Variants in OR10J1 observed in about 807,000 individuals in gnomAD.
The protein encoded by OR10J1 is olfactory receptor 10J1.
For synonymous variants in OR10J1, 202 were observed against 143.8 expected, an observed-to-expected ratio of 1.40 and a Z score of -2.89; for missense variants, 474 against 376.6, an observed-to-expected ratio of 1.26 and a Z score of -2.14.
chr1:159,410,531 G>T, the OR10J1 span, among the ~76,000 whole-genome samples: 1 of 152,042 alleles, frequency 6.6e-6, no homozygotes, highest in Admixed American at 6.6e-5. Context: ...ATTTCTGTGG[G>T]ATTGGTGGTG....
upstream of OR10J1, among the ~76,000 whole-genome samples, chr1:159,435,844 G>A (rs1655722120): frequency 6.6e-6 from 1 of 152,144 alleles, no homozygotes; most frequent in Admixed American, 6.5e-5. Context: ...GGTTCTTTTG[G>A]CTGTTTTGCC....
chr1:159,412,457 C>T, the OR10J1 span, among the ~76,000 whole-genome samples: 178 of 149,464 alleles, frequency 1.2e-3, 4 homozygotes, highest in East Asian at 0.035. Context: ...CTACAGTAAC[C>T]AAAACAGCAT....
chr1:159,429,798 G>T, the OR10J1 span, among the ~76,000 whole-genome samples: 1 of 152,074 alleles, frequency 6.6e-6, no homozygotes, highest in Admixed American at 6.6e-5. Context: ...TTGTATGTTT[G>T]TTACTCCCAG....
In OR10J1 at chr1:159,439,986, G is replaced by A. The variant is rs865831483; in HGVS notation, c.195G>A (p.Met65Ile). The change falls in exon 1 of 1, where the codon ATG becomes ATA. Residue 65 changes from methionine to isoleucine, a missense_variant. Met to Ile is a conservative substitution (Grantham distance 10). Coordinates refer to ENST00000423932, the MANE Select transcript of OR10J1 (RefSeq NM_012351.3). ...LHTPMYFFLS[M>I]LSTSETVYTL... is the part of the protein sequence containing the mutation. ...CACCCATGTACTTCTTCCTGAGCAT[G>A]CTGTCCACTTCAGAGACTGTATATA... is the stretch of plus-strand genomic sequence containing the variant. 5 of 1,614,110 alleles carry A rather than the reference G, an allele frequency of 3.1e-6. No individual in the cohort carries two copies. The highest frequency in any genetic ancestry group is 1.6e-4 in the Middle Eastern group (1 of 6,062).
rs1300991341 is a variant in OR10J1, at chr1:159,440,677, G to A, written c.886G>A (p.Val296Ile). The A allele has an allele frequency of 6.2e-7, 1 of 1,613,966 alleles. No homozygotes were observed. Among genetic ancestry groups the A allele is most frequent in the Admixed American group, 1.7e-5 (1 of 60,000 alleles). The stretch of plus-strand genomic sequence containing the variant: ...GGTATACACCCTGAGAAATAAAGAG[G>A]TCAAAGATGCTCTGTGCAGGGCTGT... The part of the protein sequence containing the change: ...PVVYTLRNKE[V>I]KDALCRAVGG... The change falls in exon 1 of 1, where the codon GTC becomes ATC. Residue 296 changes from valine to isoleucine, a missense_variant. Coordinates refer to ENST00000423932, the MANE Select transcript of OR10J1 (RefSeq NM_012351.3).
upstream of OR10J1, chr1:159,438,167 C>T (rs1207530176): frequency 6.6e-6 from 1 of 152,180 alleles, no homozygotes; most frequent in Admixed American, 6.5e-5. Flanking sequence ...ATTTGCTCTT[C>T]CTTCCATTTC....
In OR10J1 at chr1:159,440,154, C is replaced by T. The variant is rs1479112189; in HGVS notation, c.363C>T (p.Asp121=). The change falls in exon 1 of 1, where the codon GAC becomes GAT. Residue 121 remains aspartate (D), a synonymous_variant. Transcript: ENST00000423932. The stretch of plus-strand genomic sequence containing the variant: ...TCCTGCTCACAGCAATGGGATATGA[C>T]CGCTATGTGGCCATCTGCAACCCCC... ...NCFLLTAMGY[D]RYVAICNPLR... The T allele has an allele frequency of 1.2e-6, 2 of 1,614,116 alleles. No individual in the cohort carries two copies. The highest frequency in any genetic ancestry group is 1.7e-6 in the Non-Finnish European group (2 of 1,180,014).
In OR10J1 at chr1:159,440,693, GC is replaced by G; in HGVS notation, c.903del (p.Cys301Ter). ...LRNKEVKDAL[C>X]RAVGGKFS The stretch of plus-strand genomic sequence containing the variant: ...AATAAAGAGGTCAAAGATGCTCTGT[GC>G]AGGGCTGTTGGTGGGAAGTTTTCCT... On this transcript the variant is annotated frameshift_variant, in exon 1 of 1. Transcript: ENST00000423932. LOFTEE classifies it high-confidence loss of function. 6.2e-7 allele frequency: 1 copy of G among 1,612,414 alleles called. No individual in the cohort carries two copies. The highest frequency in any genetic ancestry group is 8.5e-7 in the Non-Finnish European group (1 of 1,178,718).
the OR10J1 span, among the ~76,000 whole-genome samples, chr1:159,406,561 T>A: frequency 9.5e-4 from 145 of 152,084 alleles, 2 homozygotes; most frequent in African/African-American, 2.2e-3. Context: ...CTAAGAGACA[T>A]CTAATGACCT....
the OR10J1 span, among the ~76,000 whole-genome samples, chr1:159,420,742 C>T: frequency 0.92 from 139,720 of 151,976 alleles, 64,875 homozygotes; most frequent in East Asian, 1. Context: ...TCATGGTCTG[C>T]ATGGTTTCTG....
At chr1:159,405,854 T>C in the OR10J1 span, 1 of 807,116 alleles carries the variant, frequency 1.2e-6, no homozygotes, top group Non-Finnish European at 2.1e-6. Flanking sequence ...AAGTGGGAGA[T>C]GACAAAGTCA....
upstream of OR10J1, chr1:159,432,905 A>C (rs4491058): frequency 0.95 from 405,200 of 425,930 alleles, 193,760 homozygotes; most frequent in East Asian, 1. Flanking sequence ...AGCTGAGGGC[A>C]GGAGAAAGGC....
upstream of OR10J1, among the ~76,000 whole-genome samples, chr1:159,439,545 T>C (rs561507568): frequency 6.6e-6 from 1 of 152,284 alleles, no homozygotes; most frequent in Admixed American, 6.5e-5. Context: ...TGTATGGTTA[T>C]ACAGTGAAAA....
upstream of OR10J1, among the ~76,000 whole-genome samples, chr1:159,437,295 T>A (rs1245955664): frequency 6.6e-6 from 1 of 152,172 alleles, no homozygotes; most frequent in Non-Finnish European, 1.5e-5. Flanking sequence ...ACAGGCAGCA[T>A]GAACTGCCCT....
At chr1:159,421,393 G>A in the OR10J1 span, among the ~76,000 whole-genome samples, 1 of 151,924 alleles carries the variant, frequency 6.6e-6, no homozygotes, top group East Asian at 1.9e-4. Flanking sequence ...TGGGGATTTG[G>A]CAAATTTCTT....
chr1:159,407,371 T>C, the OR10J1 span, among the ~76,000 whole-genome samples: 1 of 152,130 alleles, frequency 6.6e-6, no homozygotes, highest in Admixed American at 6.6e-5. Context: ...AATTGCTTTA[T>C]CTCTAAAATG....
the OR10J1 span, among the ~76,000 whole-genome samples, chr1:159,421,949 TG>T: frequency 6.6e-6 from 1 of 152,074 alleles, no homozygotes; most frequent in Admixed American, 6.6e-5. Context: ...AGGCGTGGCA[TG>T]GGCAATGACA....
At chr1:159,411,841 G>A in the OR10J1 span, among the ~76,000 whole-genome samples, 8 of 151,992 alleles carry the variant, frequency 5.3e-5, no homozygotes, top group South Asian at 1.5e-3. Context: ...GGCCAGGGCA[G>A]TTAGGCAGGA....
At chr1:159,420,463 T>C in the OR10J1 span, among the ~76,000 whole-genome samples, 1 of 152,202 alleles carries the variant, frequency 6.6e-6, no homozygotes, top group Non-Finnish European at 1.5e-5. Flanking sequence ...AACATTTGAA[T>C]ATTTTCTCTT....
Sources: gnomAD v4.1 joint callset for allele counts (sites outside exome capture counted in the v4.1 genomes callset) on GRCh38, gnomAD v4.1.1 for gene constraint, MANE v1.5 for transcripts, NCBI Gene and HGNC (gene_info 2026-07-23, HGNC 2026-07-21) for gene names.